Variants in APBA1 observed in about 807,000 individuals in gnomAD.
APBA1 encodes the protein amyloid beta precursor protein binding family A member 1, also known as amyloid-beta A4 precursor protein-binding family A member 1.
In APBA1, 55 loss-of-function variants were observed where a neutral mutation model predicts 86.6. That is an observed-to-expected ratio of 0.64 (90% confidence interval 0.51 to 0.80). The LOEUF is 0.80. Among genes scored for constraint, APBA1 ranks in the 30% least tolerant of loss-of-function variants. The pLI is 0.00. For synonymous variants in APBA1, 511 were observed against 493.9 expected, an observed-to-expected ratio of 1.03 and a Z score of -0.46; for missense variants, 1,090 against 1,183.0, an observed-to-expected ratio of 0.92 and a Z score of 1.15.
chr9:69,541,876 G>A (rs949591271), intron 1 of APBA1, among the ~76,000 whole-genome samples: 1 of 151,908 alleles, frequency 6.6e-6, no homozygotes, highest in Non-Finnish European at 1.5e-5. Flanking sequence ...ATTTCCTCTT[G>A]AAATAATAAG....
At chr9:69,442,617 G>A (rs1198518111) in intron 10 of APBA1, among the ~76,000 whole-genome samples, 1 of 152,160 alleles carries the variant, frequency 6.6e-6, no homozygotes, top group African/African-American at 2.4e-5. Flanking sequence ...CAAGTGAGTG[G>A]GTCCAGTTTG....
chr9:69,567,967 C>T (rs1234785311), intron 1 of APBA1, among the ~76,000 whole-genome samples: 5 of 152,174 alleles, frequency 3.3e-5, no homozygotes, highest in Admixed American at 1.3e-4. Flanking sequence ...ATGTTCCAGA[C>T]TTCATCCCCA....
chr9:69,617,658 C>T (rs1822730150), intron 1 of APBA1, among the ~76,000 whole-genome samples: 1 of 152,092 alleles, frequency 6.6e-6, no homozygotes, highest in Admixed American at 6.5e-5. Context: ...GGGAACTACA[C>T]CTTCATTCTC....
At chr9:69,652,717 G>A (rs796769807) in intron 1 of APBA1, among the ~76,000 whole-genome samples, 9 of 152,318 alleles carry the variant, frequency 5.9e-5, no homozygotes, top group African/African-American at 1.7e-4. Flanking sequence ...CTGGCTGGGC[G>A]CAGTGGCTCA....
intron 2 of APBA1, among the ~76,000 whole-genome samples, chr9:69,483,996 T>G (rs974058047): frequency 2.0e-5 from 3 of 152,076 alleles, no homozygotes; most frequent in African/African-American, 7.2e-5. Flanking sequence ...CCTTTAAATT[T>G]CCCCAATCTG....
intron 1 of APBA1, among the ~76,000 whole-genome samples, chr9:69,554,150 T>C (rs1836827482): frequency 6.6e-6 from 1 of 152,194 alleles, no homozygotes; most frequent in South Asian, 2.1e-4. Context: ...CTGTTTACAG[T>C]GTCAATAAAA....
At chr9:69,658,282 TTCTC>T (rs748330338) in intron 1 of APBA1, among the ~76,000 whole-genome samples, 2 of 39,790 alleles carry the variant, frequency 5.0e-5, no homozygotes, top group African/African-American at 6.3e-5. Flanking sequence ...CTTTCTTTCT[TTCTC>T]TCTCTCTTTC....
chr9:69,635,696 A>C (rs892770816), intron 1 of APBA1, among the ~76,000 whole-genome samples: 1 of 152,198 alleles, frequency 6.6e-6, no homozygotes, highest in African/African-American at 2.4e-5. Flanking sequence ...AGGAGTAGCT[A>C]TACTTACATG....
intron 1 of APBA1, among the ~76,000 whole-genome samples, chr9:69,639,924 G>A (rs969256998): frequency 7.2e-5 from 11 of 152,120 alleles, no homozygotes; most frequent in Non-Finnish European, 1.2e-4. Flanking sequence ...GGAGTCCATT[G>A]AAGCTTCTAC....
rs1491574165 is a variant in APBA1, at chr9:69,658,274, T to TTC, written c.-70+13877_-70+13878dup. On this transcript the variant is annotated intron_variant, in intron 1 of 12. Coordinates refer to ENST00000265381, the MANE Select transcript of APBA1 (RefSeq NM_001163.4). ...TTTCTTTCTTTCTTTCTTTCTTTCT[T>TTC]TCTTTCTTTCTCTCTCTCTTTCTCT... Among the ~76,000 whole-genome samples the TTC allele has an allele frequency of 5.3e-4, 36 of 68,312 alleles. 2 individuals are homozygous for TTC. Among genetic ancestry groups the TTC allele is most frequent in the Admixed American group, 1.5e-3 (8 of 5,324 alleles). The allele number at this position is 68,312 out of a possible 152,430, so 44.8% of individuals were successfully genotyped here. A position where few individuals can be genotyped will look rare whatever the true frequency, so the allele number is the denominator to read the frequency against.
At chr9:69,565,536 C>T (rs1438845007) in intron 1 of APBA1, among the ~76,000 whole-genome samples, 1 of 152,236 alleles carries the variant, frequency 6.6e-6, no homozygotes, top group African/African-American at 2.4e-5. Context: ...CAGTCCCACA[C>T]TGCCCACAAA....
chr9:69,570,800 A>C (rs1837103229), intron 1 of APBA1, among the ~76,000 whole-genome samples: 1 of 152,210 alleles, frequency 6.6e-6, no homozygotes. Context: ...AACAGGCTAT[A>C]AATTAAATAA....
At chr9:69,497,095 C>T (rs944907589) in intron 2 of APBA1, among the ~76,000 whole-genome samples, 3 of 152,208 alleles carry the variant, frequency 2.0e-5, no homozygotes, top group Admixed American at 6.5e-5. Flanking sequence ...AGAATTCTTT[C>T]TCTGGCTCTT....
rs1458757930 is a variant in APBA1 at position 69,582,368 on chromosome 9, CG to C, written c.-69-65090del. 5.3e-5 allele frequency among the ~76,000 whole-genome samples: 8 copies of C among 152,258 alleles called. No homozygotes were observed. In the East Asian group the frequency reaches 1.5e-3, roughly 29 times the overall value. ...CACACTTTCCTACCTGCTTCTACTG[CG>C]GGACGGGTCGCTTTCTCCACCCTGG... On this transcript the variant is annotated intron_variant, in intron 1 of 12. Coordinates refer to ENST00000265381, the MANE Select transcript of APBA1 (RefSeq NM_001163.4).
Position 69,606,479 on chromosome 9 carries a change from C to CA in APBA1, c.-70+65673_-70+65674insT, listed in dbSNP as rs1822474660. Among the ~76,000 whole-genome samples the CA allele has an allele frequency of 9.8e-5, 5 of 50,894 alleles. No individual in the cohort carries two copies. The East Asian group carries it at 3.9e-3, about 40-fold the overall frequency. The allele number at this position is 50,894 out of a possible 152,430, so 33.4% of individuals were successfully genotyped here. ...TTGACACAGTGAGTGAGGGAGCTAG[C>CA]TTTTTTTTTTTTTTTTTTTTTTTTT... On this transcript the variant is annotated intron_variant, in intron 1 of 12. Transcript: ENST00000265381.
chr9:69,561,725 G>A (rs1836948682), intron 1 of APBA1, among the ~76,000 whole-genome samples: 1 of 151,918 alleles, frequency 6.6e-6, no homozygotes, highest in East Asian at 1.9e-4. Context: ...CGCCTTACAG[G>A]TTCAAGCAAT....
At chr9:69,597,279 T>G (rs1429027708) in intron 1 of APBA1, among the ~76,000 whole-genome samples, 1 of 152,262 alleles carries the variant, frequency 6.6e-6, no homozygotes, top group African/African-American at 2.4e-5. Context: ...ATGATAAGCA[T>G]GTTTTCACGT....
rs982273667 is a variant in APBA1, at chr9:69,558,222, C to T, written c.-69-40943G>A. On this transcript the variant is annotated intron_variant, in intron 1 of 12. Transcript: ENST00000265381. ...GTCTTCCTGATTTATCTTTTTCTAC[C>T]CCTTTGCTTTGTGTTATTTGGCTTT... Among the ~76,000 whole-genome samples the T allele has an allele frequency of 9.2e-5, 14 of 151,982 alleles. No homozygotes were observed. In the East Asian group the frequency reaches 2.5e-3, roughly 27 times the overall value.
At chr9:69,600,538 C>T (rs1822326934) in intron 1 of APBA1, among the ~76,000 whole-genome samples, 1 of 152,086 alleles carries the variant, frequency 6.6e-6, no homozygotes, top group African/African-American at 2.4e-5. Context: ...TGTGGTGGCT[C>T]ACATCTGTAA....
Sources: gnomAD v4.1 joint callset for allele counts (sites outside exome capture counted in the v4.1 genomes callset) on GRCh38, gnomAD v4.1.1 for gene constraint, MANE v1.5 for transcripts, NCBI Gene and HGNC (gene_info 2026-07-23, HGNC 2026-07-21) for gene names.